NT5M: variants seen among roughly 807,000 people sequenced by gnomAD.
NT5M encodes 5'(3')-deoxyribonucleotidase, mitochondrial.
In NT5M, 22 loss-of-function variants were observed where a neutral mutation model predicts 22.2. The observed-to-expected ratio is 0.99, with a 90% confidence interval of 0.71 to 1.41. The LOEUF (loss-of-function observed/expected upper bound fraction) is 1.41, where lower values mean the gene tolerates loss of function less well. Ranked by LOEUF, NT5M falls within the 40% of genes most tolerant of loss-of-function variation. The probability of loss-of-function intolerance (pLI) is 0.00; values close to 1 mark genes in which losing one functional copy is unlikely to be tolerated. For synonymous variants in NT5M, 167 were observed against 133.0 expected (o/e 1.26, Z -1.76); for missense variants, 322 against 314.8 (o/e 1.02, Z -0.17).
rs116749773 is a variant in NT5M at position 17,326,547 on chromosome 17, G to A, written c.429+3302G>A. Among the ~76,000 whole-genome samples, 314 of 152,342 alleles carry A rather than the reference G, an allele frequency of 2.1e-3. 1 individual carries two copies. Among genetic ancestry groups the A allele is most frequent in the African/African-American group, 7.2e-3 (299 of 41,580 alleles). ...AGCCCGAGGAAGCAGGCCTGAGGCC[G>A]TAGGGGCAGAGCCCGCAGACCGTCT... On this transcript the variant is annotated intron_variant, in intron 3 of 4. Coordinates refer to ENST00000389022, the MANE Select transcript of NT5M (RefSeq NM_020201.4).
intron 3 of NT5M, among the ~76,000 whole-genome samples, chr17:17,336,520 T>C (rs569655022): frequency 3.9e-5 from 6 of 152,086 alleles, no homozygotes; most frequent in African/African-American, 1.4e-4. Context: ...ATCCATGTTG[T>C]TGACAATGAC....
intron 3 of NT5M, among the ~76,000 whole-genome samples, chr17:17,338,928 T>G (rs948503523): frequency 6.6e-6 from 1 of 151,848 alleles, no homozygotes; most frequent in Non-Finnish European, 1.5e-5. Flanking sequence ...GGGGTTTCAC[T>G]GTGTTAGCCA....
At chr17:17,337,212 T>A (rs963824975) in intron 3 of NT5M, among the ~76,000 whole-genome samples, 44 of 152,160 alleles carry the variant, frequency 2.9e-4, no homozygotes, top group African/African-American at 1.0e-3. Context: ...ATTGAGCACC[T>A]TTTTATATAC....
At chr17:17,318,480 CAAAAAAAAAAA>C (rs71355545) in intron 2 of NT5M, among the ~76,000 whole-genome samples, 1 of 42,116 alleles carries the variant, frequency 2.4e-5, no homozygotes, top group African/African-American at 7.8e-5. Context: ...GACTCTGTCT[CAAAAAAAAAAA>C]AAAAAAAAAA....
intron 3 of NT5M, among the ~76,000 whole-genome samples, chr17:17,341,960 G>A (rs2049651477): frequency 6.6e-6 from 1 of 152,080 alleles, no homozygotes; most frequent in South Asian, 2.1e-4. Context: ...GAACCTGGGA[G>A]GTGGAGGTTG....
chr17:17,323,135 G>T (rs373872300), intron 2 of NT5M, 50 bp from the exon 3 acceptor site: 1 of 1,510,242 alleles, frequency 6.6e-7, no homozygotes, highest in Non-Finnish European at 9.2e-7. Context: ...AGGCCTCGGG[G>T]TGGTGAAGTC....
At chr17:17,346,451 C>T (rs1218612745) in intron 4 of NT5M, among the ~76,000 whole-genome samples, 4 of 152,074 alleles carry the variant, frequency 2.6e-5, no homozygotes, top group African/African-American at 7.2e-5. Flanking sequence ...GGGGGAACAC[C>T]GTGTGGTGTA....
At chr17:17,343,124 G>T (rs1242501176) in intron 3 of NT5M, among the ~76,000 whole-genome samples, 9 of 152,198 alleles carry the variant, frequency 5.9e-5, no homozygotes, top group Admixed American at 5.9e-4. Context: ...GAGATGTGTA[G>T]CTCCGACTGT....
intron 2 of NT5M, among the ~76,000 whole-genome samples, chr17:17,316,604 A>G (rs2049032824): frequency 6.6e-6 from 1 of 151,660 alleles, no homozygotes; most frequent in African/African-American, 2.4e-5. Context: ...TGGAACTCCT[A>G]ACCTTGGGTG....
At chr17:17,324,260 G>C (rs1023440802) in intron 3 of NT5M, among the ~76,000 whole-genome samples, 3 of 151,350 alleles carry the variant, frequency 2.0e-5, no homozygotes, top group African/African-American at 4.8e-5. Flanking sequence ...GATGCAGGTG[G>C]GTCACCTGAG....
At chr17:17,320,743 G>A (rs1190293534) in intron 2 of NT5M, among the ~76,000 whole-genome samples, 2 of 152,198 alleles carry the variant, frequency 1.3e-5, no homozygotes, top group African/African-American at 4.8e-5. Context: ...CCAACCTGGA[G>A]CGGTCAGGAG....
chr17:17,321,294 G>A (rs2049146875), intron 2 of NT5M, among the ~76,000 whole-genome samples: 1 of 152,062 alleles, frequency 6.6e-6, no homozygotes, highest in South Asian at 2.1e-4. Flanking sequence ...GGAGGTTCCA[G>A]CACACGTTTG....
chr17:17,303,981 T>C, intron 1 of NT5M, 164 bp downstream of exon 1: 1 of 1,247,674 alleles, frequency 8.0e-7, no homozygotes, highest in African/African-American at 1.6e-5. Context: ...ACCGGGAAGA[T>C]GCGGCCCCGC....
At chr17:17,307,724 C>T (rs1002978517) in intron 2 of NT5M, among the ~76,000 whole-genome samples, 1 of 152,092 alleles carries the variant, frequency 6.6e-6, no homozygotes, top group Admixed American at 6.6e-5. Flanking sequence ...GGCGTGGCGG[C>T]ATGCACATGT....
At chr17:17,317,055 GTTTTT>G (rs34446504) in intron 2 of NT5M, among the ~76,000 whole-genome samples, 20 of 132,178 alleles carry the variant, frequency 1.5e-4, no homozygotes, top group African/African-American at 5.3e-4. Context: ...TTTTGTTTTT[GTTTTT>G]TTTTTTTGAG....
At chr17:17,336,369 C>A (rs1322797116) in intron 3 of NT5M, among the ~76,000 whole-genome samples, 1 of 152,032 alleles carries the variant, frequency 6.6e-6, no homozygotes, top group Non-Finnish European at 1.5e-5. Flanking sequence ...TCCACTCCCC[C>A]TTCCCAGCCT....
At chr17:17,336,983 C>T (rs1008944753) in intron 3 of NT5M, among the ~76,000 whole-genome samples, 9 of 152,076 alleles carry the variant, frequency 5.9e-5, no homozygotes, top group African/African-American at 2.2e-4. Context: ...TTTCCATATA[C>T]TGATTTCCTT....
At chr17:17,344,604 T>A (rs1008185498) in intron 3 of NT5M, among the ~76,000 whole-genome samples, 190 bp from the exon 4 acceptor site, 1 of 152,204 alleles carries the variant, frequency 6.6e-6, no homozygotes, top group African/African-American at 2.4e-5. Context: ...GTGCGCTCCC[T>A]GAGTGCTGGC....
intron 3 of NT5M, among the ~76,000 whole-genome samples, chr17:17,342,085 T>C (rs914255108): frequency 6.6e-6 from 1 of 151,980 alleles, no homozygotes; most frequent in African/African-American, 2.4e-5. Flanking sequence ...TAAATACATA[T>C]ATACATATAA....
Sources: gnomAD v4.1 joint callset for allele counts (sites outside exome capture counted in the v4.1 genomes callset) on GRCh38, gnomAD v4.1.1 for gene constraint, MANE v1.5 for transcripts, NCBI Gene and HGNC (gene_info 2026-07-23, HGNC 2026-07-21) for gene names.